TRABD2B: variants seen among roughly 807,000 people sequenced by gnomAD.
TRABD2B encodes TraB domain containing 2B.
A neutral mutation model predicts 40.1 loss-of-function variants in TRABD2B; 14 were observed. The observed-to-expected ratio is 0.35, with a 90% CI of 0.23 to 0.55. The LOEUF is 0.55. Ranked by LOEUF, TRABD2B falls within the 20% of genes least tolerant of loss-of-function variation. The probability of loss-of-function intolerance (pLI) is 0.90; values close to 1 mark genes in which losing one functional copy is unlikely to be tolerated. For synonymous variants in TRABD2B, 263 were observed against 277.0 expected (o/e 0.95, Z 0.50); for missense variants, 541 against 648.6 (o/e 0.83, Z 1.80).
At chr1:47,979,930 T>C (rs1323975173) in intron 2 of TRABD2B, among the ~76,000 whole-genome samples, 1 of 152,176 alleles carries the variant, frequency 6.6e-6, no homozygotes, top group East Asian at 1.9e-4. Flanking sequence ...CAGACAAGCC[T>C]GGGTGAGGTG....
chr1:47,814,470 G>A (rs1335222047), intron 2 of TRABD2B, among the ~76,000 whole-genome samples: 1 of 152,230 alleles, frequency 6.6e-6, no homozygotes, highest in Non-Finnish European at 1.5e-5. Context: ...TTGGGCCCCA[G>A]GGGCTTTGGG....
intron 2 of TRABD2B, among the ~76,000 whole-genome samples, chr1:47,952,170 T>C (rs57933592): frequency 0.021 from 3,250 of 152,348 alleles, 55 homozygotes; most frequent in South Asian, 0.067. Context: ...CCAAGGCACC[T>C]ACAGTCTGAG....
Position 47,996,534 on chromosome 1 carries a change from G to A in TRABD2B, c.102+154C>T, listed in dbSNP as rs1000462312. 6.6e-6 allele frequency among the ~76,000 whole-genome samples: 1 copy of A among 152,184 alleles called. No individual in the cohort carries two copies. ...TGGCTGGGAGCTGGAGCCGGGACAG[G>A]CAGGAGCGAAGGAAGGGCGCCCGAG... On this transcript the variant is annotated intron_variant, in intron 1 of 6. Transcript: ENST00000606738. This position sits in a 1 kb window ranked among gnomAD's most constrained non-coding sequence, Gnocchi z 4.6.
At chr1:47,823,661 TGG>T (rs1400617990) in intron 2 of TRABD2B, among the ~76,000 whole-genome samples, 1 of 151,480 alleles carries the variant, frequency 6.6e-6, no homozygotes, top group Admixed American at 6.6e-5. Context: ...GAGAATGGGG[TGG>T]TGAGAGAGAG....
intron 2 of TRABD2B, among the ~76,000 whole-genome samples, chr1:47,832,258 G>A (rs61773014): frequency 0.26 from 39,142 of 151,894 alleles, 5,360 homozygotes; most frequent in Non-Finnish European, 0.3. Flanking sequence ...GCGTGAATCC[G>A]GGAGGCGGAG....
chr1:47,881,114 G>T (rs1462565775), intron 2 of TRABD2B, among the ~76,000 whole-genome samples: 1 of 152,172 alleles, frequency 6.6e-6, no homozygotes, highest in Non-Finnish European at 1.5e-5. Context: ...CAAGAATCTG[G>T]TTTTCAGTTT....
At chr1:47,827,779 T>A (rs1426527470) in intron 2 of TRABD2B, among the ~76,000 whole-genome samples, 3 of 151,750 alleles carry the variant, frequency 2.0e-5, no homozygotes, top group African/African-American at 7.3e-5. Context: ...TGGCCCACAA[T>A]GAGGTACCCC....
chr1:47,951,736 T>A (rs1442538863), intron 2 of TRABD2B, among the ~76,000 whole-genome samples: 1 of 152,112 alleles, frequency 6.6e-6, no homozygotes, highest in Non-Finnish European at 1.5e-5. Flanking sequence ...CTCACCTTGG[T>A]CCAGAGGCTT....
chr1:47,970,253 A>G (rs1168670033), intron 2 of TRABD2B, among the ~76,000 whole-genome samples: 1 of 151,684 alleles, frequency 6.6e-6, no homozygotes, highest in Non-Finnish European at 1.5e-5. Context: ...TCTGGAGTTC[A>G]GTGGGGGACA....
chr1:47,797,734 C>T (rs12063998), intron 3 of TRABD2B, among the ~76,000 whole-genome samples: 194 of 152,218 alleles, frequency 1.3e-3, no homozygotes, highest in African/African-American at 4.1e-3. Flanking sequence ...TGGGCCACGG[C>T]TGGGATGGAA....
intron 2 of TRABD2B, among the ~76,000 whole-genome samples, chr1:47,832,764 G>A (rs999467691): frequency 1.3e-5 from 2 of 152,088 alleles, no homozygotes; most frequent in African/African-American, 4.8e-5. Flanking sequence ...TTTTATATTT[G>A]GTGTGGTTAG....
At chr1:47,874,386 C>A (rs1644191496) in intron 2 of TRABD2B, among the ~76,000 whole-genome samples, 2 of 149,676 alleles carry the variant, frequency 1.3e-5, no homozygotes, top group African/African-American at 2.4e-5. Context: ...CATTCTCCTG[C>A]CTCAGCCTCC....
chr1:47,857,490 C>T (rs1643904598), intron 2 of TRABD2B, among the ~76,000 whole-genome samples: 1 of 152,164 alleles, frequency 6.6e-6, no homozygotes, highest in Non-Finnish European at 1.5e-5. Flanking sequence ...TTCCCTGATC[C>T]CGTGAGCAAG....
chr1:47,771,030 T>C (rs1460302251), intron 6 of TRABD2B, among the ~76,000 whole-genome samples: 2 of 152,216 alleles, frequency 1.3e-5, no homozygotes, highest in Non-Finnish European at 2.9e-5. Context: ...TTTTTATTCA[T>C]TGGATGATCC....
intron 2 of TRABD2B, among the ~76,000 whole-genome samples, chr1:47,984,343 C>G (rs1645886626): frequency 6.6e-6 from 1 of 152,234 alleles, no homozygotes; most frequent in African/African-American, 2.4e-5. Flanking sequence ...CTGCGGCCCC[C>G]AAGGCGCAGC....
chr1:47,995,177 T>C (rs1291560425), intron 1 of TRABD2B, among the ~76,000 whole-genome samples: 1 of 151,358 alleles, frequency 6.6e-6, no homozygotes, highest in Non-Finnish European at 1.5e-5. Flanking sequence ...GAACACCTAT[T>C]AAAAATAGCA....
chr1:47,989,563 C>A (rs192578168), intron 2 of TRABD2B, among the ~76,000 whole-genome samples: 63 of 152,286 alleles, frequency 4.1e-4, no homozygotes, highest in African/African-American at 1.5e-3. Flanking sequence ...TATGTCTTCA[C>A]AGCAGTGGCT....
chr1:47,856,020 T>C (rs925012493), intron 2 of TRABD2B, among the ~76,000 whole-genome samples: 37 of 152,332 alleles, frequency 2.4e-4, no homozygotes, highest in African/African-American at 8.7e-4. Flanking sequence ...TTTTTCACTG[T>C]GCTGTCATGA....
At chr1:47,921,373 G>A (rs578123650) in intron 2 of TRABD2B, among the ~76,000 whole-genome samples, 4 of 152,272 alleles carry the variant, frequency 2.6e-5, no homozygotes, top group Admixed American at 6.5e-5. Flanking sequence ...TGGGGCTGGC[G>A]GGCAGAGCAG....
Sources: gnomAD v4.1 joint callset for allele counts (sites outside exome capture counted in the v4.1 genomes callset) on GRCh38, gnomAD v4.1.1 for gene constraint, Gnocchi (gnomAD v3.1) non-coding constraint, MANE v1.5 for transcripts, NCBI Gene and HGNC (gene_info 2026-07-23, HGNC 2026-07-21) for gene names.